IGF1R: variants seen among roughly 807,000 people sequenced by gnomAD.
The protein encoded by IGF1R is insulin like growth factor 1 receptor, also known as insulin-like growth factor 1 receptor.
In IGF1R, 44 loss-of-function variants were observed where a neutral mutation model predicts 144.6. That is an observed-to-expected ratio of 0.30 (90% CI 0.24 to 0.39). IGF1R has a LOEUF of 0.39. IGF1R is among the 10% of genes least tolerant of loss of function. IGF1R has a pLI of 1.00. For missense variants in IGF1R, 1,355 were observed against 1,833.7 expected (o/e 0.74, Z 4.77); for synonymous variants, 795 against 722.8 (o/e 1.10, Z -1.60).
At position 98,899,517 on chromosome 15, in the gene IGF1R, C is replaced by T. The variant is rs972242816; in HGVS notation, c.1143C>T (p.Ile381=). ...AGCTGGAGAACTTCATGGGGCTCAT[C>T]GAGGTGGTGACGGGCTACGTGAAGA... The part of the protein sequence containing the change: ...ASELENFMGL[I]EVVTGYVKIR... Residue 381 remains isoleucine (I), a synonymous_variant, in exon 5 of 21, where the codon ATC becomes ATT. Transcript: ENST00000650285. 1.2e-5 allele frequency: 19 copies of T among 1,613,988 alleles called. No homozygotes were observed. In the African/African-American group the frequency reaches 1.2e-4, roughly 10 times the overall value.
chr15:98,738,285 C>T lies in IGF1R; in HGVS notation c.640+30178C>T, dbSNP rs191368866. Among the ~76,000 whole-genome samples the T allele has an allele frequency of 4.6e-5, 7 of 152,358 alleles. No individual in the cohort carries two copies. In the East Asian group the frequency reaches 1.3e-3, roughly 29 times the overall value. On this transcript the variant is annotated intron_variant, in intron 2 of 20. Transcript: ENST00000650285. ...TGCTGGACTCAAGGGATCCTTCCGA[C>T]TCAGCCTCCCAATTAGCTGGGACTG...
chr15:98,826,018 A>G lies in IGF1R; in HGVS notation c.641-65307A>G, dbSNP rs1480709464. Among the ~76,000 whole-genome samples, 11 of 152,156 alleles carry G rather than the reference A, an allele frequency of 7.2e-5. No homozygotes were observed. The East Asian group carries it at 1.9e-3, about 27-fold the overall frequency. ...AGAATGATGATCTCCACCTCTCAGGAAAGTTGTGGGGATGAAATGGTATAG... is the reference window on the plus strand; with the variant it reads ...AGAATGATGATCTCCACCTCTCAGGGAAGTTGTGGGGATGAAATGGTATAG... On this transcript the variant is annotated intron_variant, in intron 2 of 20. Transcript: ENST00000650285.
At chr15:98,685,983 C>T (rs2053318644) in intron 1 of IGF1R, among the ~76,000 whole-genome samples, 1 of 152,258 alleles carries the variant, frequency 6.6e-6, no homozygotes, top group South Asian at 2.1e-4. Context: ...CACTGTCCAT[C>T]TCCAGAACTT....
At chr15:98,752,278 A>G (rs1191999717) in intron 2 of IGF1R, among the ~76,000 whole-genome samples, 2 of 152,346 alleles carry the variant, frequency 1.3e-5, no homozygotes, top group East Asian at 3.9e-4. Flanking sequence ...CTATAAAATC[A>G]GAACTGTGAG....
intron 2 of IGF1R, among the ~76,000 whole-genome samples, chr15:98,836,090 C>T (rs752059611): frequency 2.6e-5 from 4 of 152,056 alleles, no homozygotes; most frequent in African/African-American, 7.2e-5. Context: ...TTATGAAATT[C>T]GTCCAGTGAG....
At chr15:98,918,261 G>A (rs758385477) in intron 10 of IGF1R, among the ~76,000 whole-genome samples, 5 of 152,024 alleles carry the variant, frequency 3.3e-5, no homozygotes, top group African/African-American at 2.4e-5. Context: ...CACAGCACCC[G>A]CTGCCAGCAC....
chr15:98,778,500 C>T (rs796319224), intron 2 of IGF1R, among the ~76,000 whole-genome samples: 3 of 152,320 alleles, frequency 2.0e-5, no homozygotes, highest in African/African-American at 7.2e-5. Flanking sequence ...GGTGCAGAAA[C>T]CCAGTGGTCA....
At chr15:98,751,319 C>T (rs936453251) in intron 2 of IGF1R, among the ~76,000 whole-genome samples, 2 of 152,112 alleles carry the variant, frequency 1.3e-5, no homozygotes, top group African/African-American at 4.8e-5. Flanking sequence ...CCCACCTTAA[C>T]CTTCTGATTA....
intron 1 of IGF1R, among the ~76,000 whole-genome samples, chr15:98,686,128 G>C (rs573113285): frequency 1.3e-5 from 2 of 152,124 alleles, no homozygotes; most frequent in Non-Finnish European, 2.9e-5. Context: ...AAGTGGACTC[G>C]TACACTATTT....
chr15:98,906,991 C>T (rs934081796), intron 5 of IGF1R, among the ~76,000 whole-genome samples: 3 of 152,218 alleles, frequency 2.0e-5, no homozygotes, highest in Non-Finnish European at 4.4e-5. Flanking sequence ...ATGCAGATTC[C>T]GTGGTGGCTC....
At chr15:98,945,424 C>T (rs1399664484) in intron 19 of IGF1R, among the ~76,000 whole-genome samples, 1 of 152,210 alleles carries the variant, frequency 6.6e-6, no homozygotes, top group East Asian at 1.9e-4. Context: ...GGACTCACAG[C>T]CGCCGGTCTT....
At chr15:98,684,507 G>C (rs1014276325) in intron 1 of IGF1R, among the ~76,000 whole-genome samples, 5 of 152,120 alleles carry the variant, frequency 3.3e-5, no homozygotes, top group African/African-American at 9.7e-5. Context: ...ATAGCTAAAC[G>C]TCAGTTGGCA....
chr15:98,926,489 CAT>C (rs755907584), intron 13 of IGF1R, among the ~76,000 whole-genome samples: 1 of 152,168 alleles, frequency 6.6e-6, no homozygotes, highest in Non-Finnish European at 1.5e-5. Context: ...TGATGTAATA[CAT>C]ATGTTAATTA....
chr15:98,652,515 G>A (rs2052393526), intron 1 of IGF1R, among the ~76,000 whole-genome samples: 1 of 152,196 alleles, frequency 6.6e-6, no homozygotes, highest in African/African-American at 2.4e-5. Flanking sequence ...GTGGAAGGGT[G>A]GGGTTTGTGT....
chr15:98,851,098 C>T (rs1034402683), intron 2 of IGF1R, among the ~76,000 whole-genome samples: 2 of 152,148 alleles, frequency 1.3e-5, no homozygotes, highest in African/African-American at 4.8e-5. Context: ...CCGTGGAGAA[C>T]AGTGGCCTCT....
Position 98,939,439 on chromosome 15 carries a change from T to C in IGF1R, c.3457+79T>C, listed in dbSNP as rs2016284096. ...GACTTTGTTGGCATTAGTCTGCCCC[T>C]GGAGAGGTTTTCTAGTGTGTCCCTT... is the stretch of plus-strand genomic sequence containing the variant. On this transcript the variant is annotated intron_variant, in intron 18 of 20. Transcript: ENST00000650285. 3.8e-5 allele frequency: 53 copies of C among 1,400,586 alleles called. 1 individual carries two copies. The South Asian group carries it at 6.1e-4, about 16-fold the overall frequency. 86.8% of individuals were successfully genotyped at this position (1,400,586 alleles called of 1,614,324 possible).
chr15:98,750,875 C>G (rs746955141), intron 2 of IGF1R, among the ~76,000 whole-genome samples: 11 of 152,156 alleles, frequency 7.2e-5, no homozygotes, highest in Non-Finnish European at 1.5e-4. Flanking sequence ...CAGCCTCTAC[C>G]TACTCAGGCT....
chr15:98,899,171 G>A (rs1393601853), intron 4 of IGF1R, among the ~76,000 whole-genome samples: 2 of 152,196 alleles, frequency 1.3e-5, no homozygotes, highest in Non-Finnish European at 2.9e-5. Context: ...CCCTACATTC[G>A]TCAGCCTTAG....
chr15:98,652,125 T>A (rs1436033536), intron 1 of IGF1R, among the ~76,000 whole-genome samples: 1 of 152,228 alleles, frequency 6.6e-6, no homozygotes, highest in Non-Finnish European at 1.5e-5. Context: ...GTGTTGTTTA[T>A]CTTAGAAAAC....
Sources: gnomAD v4.1 joint callset for allele counts (sites outside exome capture counted in the v4.1 genomes callset) on GRCh38, gnomAD v4.1.1 for gene constraint, MANE v1.5 for transcripts, NCBI Gene and HGNC (gene_info 2026-07-23, HGNC 2026-07-21) for gene names.